Variants in TTC23 observed in about 807,000 individuals in gnomAD.
TTC23 encodes tetratricopeptide repeat domain 23, also known as tetratricopeptide repeat protein 23.
A neutral mutation model predicts 55.1 loss-of-function variants in TTC23; 58 were observed. The ratio of observed to expected loss-of-function variants is 1.05; its 90% CI spans 0.85 to 1.31. TTC23 has a LOEUF of 1.31. Ranked by LOEUF, TTC23 falls within the 50% of genes most tolerant of loss-of-function variation. The probability of loss-of-function intolerance (pLI) is 0.00; values close to 1 mark genes in which losing one functional copy is unlikely to be tolerated. For synonymous variants in TTC23, 203 were observed against 199.9 expected, an observed-to-expected ratio of 1.02 and a Z score of -0.13; for missense variants, 516 against 534.4, an observed-to-expected ratio of 0.97 and a Z score of 0.34.
intron 3 of TTC23, among the ~76,000 whole-genome samples, chr15:99,235,945 C>T (rs1359088039): frequency 6.6e-6 from 1 of 152,130 alleles, no homozygotes; most frequent in Non-Finnish European, 1.5e-5. Context: ...TAGCATAATG[C>T]CTTCAAAGTT....
intron 12 of TTC23, among the ~76,000 whole-genome samples, chr15:99,149,862 C>G (rs549003890): frequency 2.0e-5 from 3 of 152,352 alleles, no homozygotes; most frequent in African/African-American, 7.2e-5. Context: ...CCAGCAGTGA[C>G]AGTGTGAAGG....
chr15:99,136,924 C>G lies in TTC23; in HGVS notation c.*1086G>C, dbSNP rs917301670. 6.6e-6 allele frequency: 1 copy of G among 152,304 alleles called. No homozygotes were observed. The highest frequency in any genetic ancestry group is 1.5e-5 in the Non-Finnish European group (1 of 68,112). The allele number at this position is 152,304 out of a possible 1,614,324, so 9.4% of individuals were successfully genotyped here. A position where few individuals can be genotyped will look rare whatever the true frequency, so the allele number is the denominator to read the frequency against. ...GCTCTACTGAGTTTATTTTCCCCAT[C>G]AATACTGGAGGTGGTGCCCTGCACA... On this transcript the variant is annotated 3_prime_UTR_variant, in exon 14 of 14. Transcript: ENST00000394132.
chr15:99,184,196 G>A (rs904402405), intron 9 of TTC23, among the ~76,000 whole-genome samples: 1 of 152,250 alleles, frequency 6.6e-6, no homozygotes, highest in African/African-American at 2.4e-5. Flanking sequence ...CTAGGGCAGT[G>A]TGGAAAGGAA....
chr15:99,208,670 T>C (rs953980675), intron 8 of TTC23, among the ~76,000 whole-genome samples: 3 of 152,130 alleles, frequency 2.0e-5, no homozygotes, highest in Non-Finnish European at 4.4e-5. Flanking sequence ...CTGAAGCTCA[T>C]TGTGAGTACA....
chr15:99,196,336 T>C (rs75552014), intron 9 of TTC23, among the ~76,000 whole-genome samples: 1 of 152,160 alleles, frequency 6.6e-6, no homozygotes, highest in African/African-American at 2.4e-5. Context: ...AAAACAATTC[T>C]GTGGCAGAAT....
intron 10 of TTC23, among the ~76,000 whole-genome samples, chr15:99,167,586 C>G (rs151248708): frequency 1.8e-3 from 269 of 152,256 alleles, no homozygotes; most frequent in Middle Eastern, 3.4e-3. Flanking sequence ...CATGTCATTC[C>G]AAAAGACCCT....
chr15:99,207,751 TG>T (rs1476178866), intron 8 of TTC23, among the ~76,000 whole-genome samples: 1 of 152,206 alleles, frequency 6.6e-6, no homozygotes, highest in Non-Finnish European at 1.5e-5. Context: ...AGGGAGACTC[TG>T]TCTTAAATTA....
At chr15:99,154,099 C>T (rs1235501559) in intron 12 of TTC23, among the ~76,000 whole-genome samples, 1 of 152,128 alleles carries the variant, frequency 6.6e-6, no homozygotes, top group Non-Finnish European at 1.5e-5. Flanking sequence ...AAGGAATTTC[C>T]CTACAAAAGA....
intron 2 of TTC23, 70 bp downstream of exon 2, chr15:99,245,319 C>T (rs1051192879): frequency 6.6e-6 from 1 of 152,194 alleles, no homozygotes; most frequent in Admixed American, 6.5e-5. Flanking sequence ...CGAGACCAGA[C>T]TGGCCAACAT....
intron 8 of TTC23, among the ~76,000 whole-genome samples, chr15:99,202,961 T>A (rs2076317552): frequency 6.6e-6 from 1 of 152,218 alleles, no homozygotes. Context: ...TAGTATTAAA[T>A]GTCTACACAT....
Position 99,161,818 on chromosome 15 carries a change from A to G in TTC23, c.915T>C (p.Ser305=), listed in dbSNP as rs745612388. 6.2e-7 allele frequency: 1 copy of G among 1,613,508 alleles called. No homozygotes were observed. The highest frequency in any genetic ancestry group is 8.5e-7 in the Non-Finnish European group (1 of 1,179,878). ...FQESMAHLKD[S]EGMGRTKFLS... is the part of the protein sequence containing the mutation. ...GAAATTTGGTTCTTCCCATCCCTTC[A>G]GAATCCTTAAGATGAGCCATGCTCT... Residue 305 remains serine, a synonymous_variant, in exon 11 of 14, where the codon TCT becomes TCC. Coordinates refer to ENST00000394132, the MANE Select transcript of TTC23 (RefSeq NM_001288615.3).
intron 1 of TTC23, among the ~76,000 whole-genome samples, chr15:99,247,357 T>C (rs2080338898): frequency 6.6e-6 from 1 of 152,192 alleles, no homozygotes; most frequent in Non-Finnish European, 1.5e-5. Flanking sequence ...ATACAAAAAC[T>C]TGTACCCATC....
At chr15:99,203,567 T>G (rs2076364924) in intron 8 of TTC23, among the ~76,000 whole-genome samples, 1 of 152,092 alleles carries the variant, frequency 6.6e-6, no homozygotes, top group African/African-American at 2.4e-5. Context: ...TTAGGTCTTA[T>G]TCCCATTATT....
At chr15:99,169,514 T>A (rs754947836) in intron 10 of TTC23, among the ~76,000 whole-genome samples, 5 of 152,112 alleles carry the variant, frequency 3.3e-5, no homozygotes, top group Non-Finnish European at 5.9e-5. Context: ...AGGGCCTGTG[T>A]ACACCAGGGG....
chr15:99,149,623 C>T (rs1670212), intron 12 of TTC23, among the ~76,000 whole-genome samples: 3,374 of 152,332 alleles, frequency 0.022, 118 homozygotes, highest in African/African-American at 0.078. Context: ...TTAAGATGCA[C>T]ACTTGGTGAG....
intron 9 of TTC23, among the ~76,000 whole-genome samples, chr15:99,177,204 C>T (rs2073663219): frequency 6.6e-6 from 1 of 152,188 alleles, no homozygotes; most frequent in Admixed American, 6.5e-5. Flanking sequence ...GGGGCTACTC[C>T]AAAATAAGAC....
At chr15:99,194,514 T>C (rs1263418931) in intron 9 of TTC23, among the ~76,000 whole-genome samples, 4 of 149,122 alleles carry the variant, frequency 2.7e-5, no homozygotes, top group African/African-American at 9.9e-5. Context: ...AAGACAGTTT[T>C]TTCAACAAAC....
At chr15:99,204,864 G>A (rs1596646750) in intron 8 of TTC23, among the ~76,000 whole-genome samples, 2 of 152,044 alleles carry the variant, frequency 1.3e-5, no homozygotes, top group East Asian at 1.9e-4. Context: ...TTGAACTCCT[G>A]TGCTCAAGCA....
chr15:99,164,579 G>A (rs891721312), intron 10 of TTC23, among the ~76,000 whole-genome samples: 4 of 152,182 alleles, frequency 2.6e-5, no homozygotes, highest in Non-Finnish European at 5.9e-5. Context: ...ATGGAGCACT[G>A]TACAAACCAT....
Sources: allele counts gnomAD v4.1 joint callset (sites outside exome capture counted in the v4.1 genomes callset), GRCh38; gene constraint gnomAD v4.1.1; transcripts MANE v1.5; gene names NCBI Gene and HGNC (gene_info 2026-07-23, HGNC 2026-07-21).